DLC1: variants seen among roughly 807,000 people sequenced by gnomAD.
DLC1 encodes rho GTPase-activating protein 7.
DLC1 carries 54 observed loss-of-function variants against 140.3 expected under a neutral mutation model. The observed-to-expected ratio is 0.38, with a 90% CI of 0.31 to 0.48. The LOEUF (loss-of-function observed/expected upper bound fraction) is 0.48. DLC1 is among the 20% of genes least tolerant of loss of function. The pLI is 0.96. For missense variants in DLC1, 2,536 were observed against 1,907.0 expected, an observed-to-expected ratio of 1.33 and a Z score of -6.14; for synonymous variants, 986 against 728.1, an observed-to-expected ratio of 1.35 and a Z score of -5.70.
intron 1 of DLC1, among the ~76,000 whole-genome samples, chr8:13,586,299 A>C (rs1273831137): frequency 6.6e-6 from 1 of 152,192 alleles, no homozygotes; most frequent in African/African-American, 2.4e-5. Flanking sequence ...CTTGGCCACC[A>C]GTAGTAGGAA....
intron 1 of DLC1, among the ~76,000 whole-genome samples, chr8:13,598,724 A>G (rs1445575267): frequency 2.0e-5 from 3 of 152,038 alleles, no homozygotes; most frequent in African/African-American, 7.2e-5. Flanking sequence ...AATAATTAGT[A>G]TTTAATTAAT....
At chr8:13,282,079 G>T (rs1026901394) in intron 5 of DLC1, among the ~76,000 whole-genome samples, 2 of 152,168 alleles carry the variant, frequency 1.3e-5, no homozygotes, top group African/African-American at 4.8e-5. Flanking sequence ...CGTCCCTCCT[G>T]TTAGAGTGGA....
intron 5 of DLC1, among the ~76,000 whole-genome samples, chr8:13,230,823 C>T (rs1585964696): frequency 6.6e-6 from 1 of 152,174 alleles, no homozygotes. Flanking sequence ...TCTCGAACTC[C>T]TGACCTCAGG....
At chr8:13,127,628 C>A (rs2128960379) in intron 5 of DLC1, among the ~76,000 whole-genome samples, 1 of 152,342 alleles carries the variant, frequency 6.6e-6, no homozygotes, top group African/African-American at 2.4e-5. Context: ...GGCTGTGGGG[C>A]AGCACCGTGC....
intron 5 of DLC1, among the ~76,000 whole-genome samples, chr8:13,246,736 A>G (rs1221253903): frequency 1.3e-5 from 2 of 151,760 alleles, no homozygotes; most frequent in Non-Finnish European, 2.9e-5. Flanking sequence ...CATCTTTATC[A>G]CATTTATCTG....
At chr8:13,329,660 A>G (rs1320639413) in intron 4 of DLC1, among the ~76,000 whole-genome samples, 3 of 152,138 alleles carry the variant, frequency 2.0e-5, no homozygotes, top group African/African-American at 7.2e-5. Context: ...TATTTTCACC[A>G]CTAATGCAGA....
In DLC1 at chr8:13,527,973, G is replaced by A. The variant is rs536364849; in HGVS notation, c.-125-27777C>T. ...ATTTATATTTTAAAAGTATTAAGTA[G>A]TTATTAGCCACATTTATGACAAGTG... On this transcript the variant is annotated intron_variant, in intron 1 of 1. Transcript: ENST00000631382. 3.3e-5 allele frequency among the ~76,000 whole-genome samples: 5 copies of A among 152,158 alleles called. No individual in the cohort carries two copies. The East Asian group carries it at 7.7e-4, about 24-fold the overall frequency.
chr8:13,355,111 C>G (rs541226763), intron 4 of DLC1, among the ~76,000 whole-genome samples: 1 of 46,612 alleles, frequency 2.1e-5, no homozygotes, highest in African/African-American at 6.0e-5. Context: ...ACAATATATA[C>G]CATAAAGAAT....
intron 1 of DLC1, among the ~76,000 whole-genome samples, chr8:13,601,204 C>T (rs1805871065): frequency 6.6e-6 from 1 of 151,740 alleles, no homozygotes; most frequent in Non-Finnish European, 1.5e-5. Flanking sequence ...TCAGTCAGCT[C>T]ACCAGTAAGT....
chr8:13,567,833 C>T, intron 1 of DLC1: 2 of 1,551,824 alleles, frequency 1.3e-6, no homozygotes, highest in Non-Finnish European at 1.7e-6. Flanking sequence ...AGATCAGAGA[C>T]AGAGCAGAAG....
intron 4 of DLC1, among the ~76,000 whole-genome samples, chr8:13,392,783 C>T (rs974713483): frequency 6.6e-6 from 1 of 152,120 alleles, no homozygotes; most frequent in African/African-American, 2.4e-5. Context: ...TGAAGCATTT[C>T]AAACCAAAGC....
chr8:13,544,573 C>G (rs1205676709), intron 1 of DLC1, among the ~76,000 whole-genome samples: 1 of 152,090 alleles, frequency 6.6e-6, no homozygotes, highest in Non-Finnish European at 1.5e-5. Context: ...AGTGTAGCAG[C>G]TGGGGCTGCT....
intron 5 of DLC1, among the ~76,000 whole-genome samples, chr8:13,148,098 A>AT (rs770410581): frequency 1.3e-5 from 2 of 151,646 alleles, no homozygotes; most frequent in Non-Finnish European, 2.9e-5. Context: ...TGTGTGTTGC[A>AT]TGTGTGTGAT....
At chr8:13,268,173 A>G (rs1830767500) in intron 5 of DLC1, among the ~76,000 whole-genome samples, 1 of 152,334 alleles carries the variant, frequency 6.6e-6, no homozygotes, top group Admixed American at 6.5e-5. Context: ...AGGCTTTAGT[A>G]CTTTTAAACT....
intron 1 of DLC1, among the ~76,000 whole-genome samples, chr8:13,588,931 C>G (rs75207235): frequency 0.013 from 1,947 of 152,114 alleles, 44 homozygotes; most frequent in African/African-American, 0.044. Context: ...CTACATTACC[C>G]CAAGGCAGTC....
chr8:13,276,191 C>A (rs1831155382), intron 5 of DLC1: 1 of 1,517,272 alleles, frequency 6.6e-7, no homozygotes, highest in Non-Finnish European at 8.8e-7. Flanking sequence ...CTTATCACTG[C>A]GTCTTCGCAG....
At chr8:13,205,081 G>C (rs2117083429) in intron 5 of DLC1, among the ~76,000 whole-genome samples, 1 of 151,962 alleles carries the variant, frequency 6.6e-6, no homozygotes, top group East Asian at 1.9e-4. Context: ...TGGCATTATT[G>C]GGTGGTCACA....
intron 5 of DLC1, among the ~76,000 whole-genome samples, chr8:13,246,554 C>T (rs534782999): frequency 6.6e-6 from 1 of 152,138 alleles, no homozygotes; most frequent in Admixed American, 6.5e-5. Context: ...GAATTTGATG[C>T]TCAGAAAGCA....
At chr8:13,443,726 C>T (rs1186284064) in intron 2 of DLC1, among the ~76,000 whole-genome samples, 2 of 151,380 alleles carry the variant, frequency 1.3e-5, no homozygotes, top group Non-Finnish European at 2.9e-5. Flanking sequence ...TTATGCTACA[C>T]GCAGGCAAAT....
Sources: allele counts gnomAD v4.1 joint callset (sites outside exome capture counted in the v4.1 genomes callset), GRCh38; gene constraint gnomAD v4.1.1; transcripts MANE v1.5; gene names NCBI Gene and HGNC (gene_info 2026-07-23, HGNC 2026-07-21).